Variants in NDUFAF6 observed in about 807,000 individuals in gnomAD.
The protein encoded by NDUFAF6 is NADH dehydrogenase (ubiquinone) complex I, assembly factor 6.
Under a neutral mutation model 40.8 loss-of-function variants are expected in NDUFAF6, and 45 were observed. The observed-to-expected ratio is 1.10, with a 90% CI of 0.87 to 1.42. The LOEUF (loss-of-function observed/expected upper bound fraction) is 1.42. Among genes scored for constraint, NDUFAF6 ranks in the 40% most tolerant of loss-of-function variants. The pLI is 0.00. For missense variants in NDUFAF6, 435 were observed against 418.5 expected, an observed-to-expected ratio of 1.04 and a Z score of -0.34; for synonymous variants, 185 against 155.9, an observed-to-expected ratio of 1.19 and a Z score of -1.39.
At chr8:95,006,859 G>T (rs967183666) in intron 2 of NDUFAF6, among the ~76,000 whole-genome samples, 12 of 151,998 alleles carry the variant, frequency 7.9e-5, no homozygotes, top group African/African-American at 2.7e-4. Context: ...CTCCATCCTG[G>T]GTAACAGAAC....
chr8:95,097,147 C>G (rs1809491814), upstream of NDUFAF6, among the ~76,000 whole-genome samples: 1 of 152,190 alleles, frequency 6.6e-6, no homozygotes, highest in Admixed American at 6.5e-5. Context: ...GAGAACGTCC[C>G]AACTTTTCAA....
At chr8:94,965,993 T>A (rs11782818) in intron 1 of NDUFAF6, among the ~76,000 whole-genome samples, 1 of 152,112 alleles carries the variant, frequency 6.6e-6, no homozygotes, top group Non-Finnish European at 1.5e-5. Flanking sequence ...GAGTCAGGAT[T>A]GGAAACTATA....
intron 4 of NDUFAF6, among the ~76,000 whole-genome samples, chr8:95,111,708 A>G (rs1041956805): frequency 6.6e-6 from 1 of 152,204 alleles, no homozygotes; most frequent in African/African-American, 2.4e-5. Flanking sequence ...CACCATGGCC[A>G]GCTGTCCACC....
intron 5 of NDUFAF6, among the ~76,000 whole-genome samples, chr8:95,046,442 G>A (rs529489933): frequency 2.6e-5 from 4 of 152,312 alleles, no homozygotes; most frequent in East Asian, 3.8e-4. Context: ...TTTGTTGCCA[G>A]TTAGTGAGGT....
Position 95,045,626 on chromosome 8 carries a change from T to G in NDUFAF6, c.559T>G (p.Tyr187Asp). The G allele has an allele frequency of 6.2e-7, 1 of 1,612,438 alleles. No individual in the cohort carries two copies. The highest frequency in any genetic ancestry group is 8.5e-7 in the Non-Finnish European group (1 of 1,178,688). ...YAENTQSSLLYLTLEILGIKD... is the reference protein window; with the variant it reads ...YAENTQSSLLDLTLEILGIKD... ...TGAAAACACACAGAGCTCTCTTCTTTACTTAACACTAGAAATATTGGGTAA... is the reference window on the plus strand; with the variant it reads ...TGAAAACACACAGAGCTCTCTTCTTGACTTAACACTAGAAATATTGGGTAA... The change falls in exon 5 of 9, where the codon TAC (tyrosine) becomes GAC (aspartate). Residue 187 changes from tyrosine (Y) to aspartate (D), a missense_variant. Physicochemically the swap from Tyr to Asp is radical, Grantham distance 160. Coordinates refer to ENST00000396124, the MANE Select transcript of NDUFAF6 (RefSeq NM_152416.4).
At chr8:95,071,216 C>G (rs1260393160) in intron 9 of NDUFAF6, among the ~76,000 whole-genome samples, 1 of 130,130 alleles carries the variant, frequency 7.7e-6, no homozygotes, top group Non-Finnish European at 1.6e-5. Context: ...CGGTGAAAAC[C>G]CGTCTCTACT....
At chr8:94,980,579 G>C (rs1174089604) in intron 1 of NDUFAF6, among the ~76,000 whole-genome samples, 1 of 133,486 alleles carries the variant, frequency 7.5e-6, no homozygotes, top group Non-Finnish European at 1.5e-5. Flanking sequence ...GAATAGCTGG[G>C]ATTATAGGTG....
chr8:95,052,285 T>C (rs911094963), intron 8 of NDUFAF6, 55 bp downstream of exon 8: 2 of 1,557,176 alleles, frequency 1.3e-6, no homozygotes, highest in Middle Eastern at 1.7e-4. Flanking sequence ...GTGTATGATC[T>C]GTTTTTATAT....
chr8:94,933,519 C>G (rs1820636804), intron 1 of NDUFAF6, among the ~76,000 whole-genome samples: 1 of 152,148 alleles, frequency 6.6e-6, no homozygotes, highest in Admixed American at 6.5e-5. Flanking sequence ...AATCCCAGCA[C>G]TTTGGAAGGC....
intron 2 of NDUFAF6, among the ~76,000 whole-genome samples, chr8:95,005,546 TATATATAAAA>T (rs1179065598): frequency 7.4e-6 from 1 of 135,550 alleles, no homozygotes; most frequent in Non-Finnish European, 1.6e-5. Flanking sequence ...TATATATATA[TATATATAAAA>T]AATATATTAA....
chr8:95,060,269 G>A (rs533345542), downstream of NDUFAF6, among the ~76,000 whole-genome samples: 19 of 152,114 alleles, frequency 1.2e-4, no homozygotes, highest in East Asian at 3.3e-3. Context: ...CATTCTTTTT[G>A]ATTTTTTCAA....
At position 94,983,256 on chromosome 8, in the gene NDUFAF6, C is replaced by CTT. The variant is rs1173077785; in HGVS notation, c.-84+2308_-84+2309dup. On this transcript the variant is annotated intron_variant, in intron 2 of 9. Coordinates refer to the NDUFAF6 transcript ENST00000396111. ...GTAAATTCAAGATATCTTTGCTATT[C>CTT]TTTTTTTTTTTTTTTTTTTTTTTTT... Among the ~76,000 whole-genome samples, 398 of 83,190 alleles carry CTT rather than the reference C, an allele frequency of 4.8e-3. 30 individuals carry two copies. Among genetic ancestry groups the CTT allele is most frequent in the African/African-American group, 0.017 (345 of 20,704 alleles). The allele number at this position is 83,190 out of a possible 152,430, so 54.6% of individuals were successfully genotyped here. A position where few individuals can be genotyped will look rare whatever the true frequency, so the allele number is the denominator to read the frequency against.
At chr8:94,969,808 G>GA (rs955644765) in intron 1 of NDUFAF6, among the ~76,000 whole-genome samples, 3 of 151,928 alleles carry the variant, frequency 2.0e-5, no homozygotes, top group Non-Finnish European at 4.4e-5. Flanking sequence ...CTTTACAATG[G>GA]AAAAAAACTC....
At chr8:95,017,099 ATTTTT>A (rs781650429) in intron 2 of NDUFAF6, among the ~76,000 whole-genome samples, 3 of 111,882 alleles carry the variant, frequency 2.7e-5, no homozygotes, top group Admixed American at 9.4e-5. Context: ...TGCCCAGCTA[ATTTTT>A]TTTTTTTTTT....
At chr8:94,977,572 A>G (rs77070379) in intron 1 of NDUFAF6, among the ~76,000 whole-genome samples, 3,293 of 144,520 alleles carry the variant, frequency 0.023, 52 homozygotes, top group African/African-American at 0.04. Flanking sequence ...AGCAGGCATA[A>G]GAAGGGGCAT....
At chr8:94,990,431 C>T (rs1826142087) in intron 2 of NDUFAF6, among the ~76,000 whole-genome samples, 1 of 152,122 alleles carries the variant, frequency 6.6e-6, no homozygotes, top group Non-Finnish European at 1.5e-5. Flanking sequence ...ATCCGAAAAG[C>T]TGAAATCAAA....
intron 1 of NDUFAF6, among the ~76,000 whole-genome samples, chr8:94,922,329 C>T (rs540224107): frequency 5.4e-4 from 82 of 151,656 alleles, no homozygotes; most frequent in South Asian, 2.3e-3. Flanking sequence ...TTTCAATAAG[C>T]GCTGCAGGAA....
intron 2 of NDUFAF6, among the ~76,000 whole-genome samples, chr8:95,091,452 G>A (rs1809249033): frequency 6.6e-6 from 1 of 151,950 alleles, no homozygotes; most frequent in East Asian, 1.9e-4. Flanking sequence ...TAGAGACATG[G>A]GGATTATGGG....
chr8:95,058,096 G>A lies in NDUFAF6; in HGVS notation c.*159G>A, dbSNP rs1832419647. On this transcript the variant is annotated 3_prime_UTR_variant, in exon 9 of 9. Coordinates refer to ENST00000396124, the MANE Select transcript of NDUFAF6 (RefSeq NM_152416.4). ...AATTGAGAAGTTGCCGTGGGACTAG[G>A]GTGCCAAGACTGCTGAGATTCTGGC... The A allele has an allele frequency of 6.9e-6, 10 of 1,458,256 alleles. No homozygotes were observed. The highest frequency in any genetic ancestry group is 8.1e-6 in the Non-Finnish European group (9 of 1,115,426). The allele number at this position is 1,458,256 out of a possible 1,614,324, so 90.3% of individuals were successfully genotyped here.
Sources: allele counts gnomAD v4.1 joint callset (sites outside exome capture counted in the v4.1 genomes callset), GRCh38; gene constraint gnomAD v4.1.1; transcripts MANE v1.5; gene names NCBI Gene and HGNC (gene_info 2026-07-23, HGNC 2026-07-21).